The following PIK3C2A variants were observed in gnomAD, a reference collection of about 807,000 sequenced individuals.
PIK3C2A encodes phosphatidylinositol-4-phosphate 3-kinase catalytic subunit type 2 alpha.
A neutral mutation model predicts 204.5 loss-of-function variants in PIK3C2A; 97 were observed. The ratio of observed to expected loss-of-function variants is 0.47; its 90% CI spans 0.40 to 0.56. The LOEUF (loss-of-function observed/expected upper bound fraction) is 0.56, where lower values mean the gene tolerates loss of function less well. Ranked by LOEUF, PIK3C2A falls within the 20% of genes least tolerant of loss-of-function variation. The pLI, the probability that PIK3C2A is intolerant of heterozygous loss-of-function variation, is 0.00. For missense variants in PIK3C2A, 1,735 were observed against 1,969.2 expected (o/e 0.88, Z 2.25); for synonymous variants, 653 against 664.4 (o/e 0.98, Z 0.26).
chr11:17,094,965 T>C (rs1012605866), intron 27 of PIK3C2A, among the ~76,000 whole-genome samples: 1 of 152,098 alleles, frequency 6.6e-6, no homozygotes, highest in African/African-American at 2.4e-5. Context: ...CTTAAAAGTG[T>C]AAGCTGGGCA....
Position 17,168,845 on chromosome 11 carries a change from T to C in PIK3C2A, c.897A>G (p.Leu299=). 6.2e-7 allele frequency: 1 copy of C among 1,614,154 alleles called. No individual in the cohort carries two copies. The highest frequency in any genetic ancestry group is 8.5e-7 in the Non-Finnish European group (1 of 1,180,022). Residue 299 remains leucine (L), a synonymous_variant, in exon 2 of 33, where the codon CTA becomes CTG. Transcript: ENST00000691414. The part of the protein sequence containing the change: ...HEEEKNVSSL[L]AKDPWDAVLL... ...GAACAGCATCCCAAGGATCCTTTGC[T>C]AGCAAACTTGAAACATTTTTCTCTT...
chr11:17,148,906 C>T (rs557959119), intron 4 of PIK3C2A, 119 bp from the exon 5 acceptor site: 163 of 663,248 alleles, frequency 2.5e-4, no homozygotes, highest in African/African-American at 1.8e-3. Context: ...CAAATGTAGG[C>T]CACATATATA....
At chr11:17,176,028 G>C (rs889065679) in intron 1 of PIK3C2A, among the ~76,000 whole-genome samples, 3 of 149,740 alleles carry the variant, frequency 2.0e-5, no homozygotes, top group African/African-American at 7.4e-5. Context: ...GTGGGGGACA[G>C]AGTCTCACTC....
chr11:17,122,072 T>C, intron 15 of PIK3C2A, 116 bp downstream of exon 15: 1 of 613,388 alleles, frequency 1.6e-6, no homozygotes. Context: ...TAGAAAACTT[T>C]CCACACCAAG....
intron 2 of PIK3C2A, among the ~76,000 whole-genome samples, chr11:17,166,604 T>C (rs1849009818): frequency 1.3e-5 from 2 of 152,234 alleles, no homozygotes; most frequent in Admixed American, 1.3e-4. Flanking sequence ...CTACAATGCA[T>C]TCATTGTGGG....
intron 14 of PIK3C2A, 116 bp downstream of exon 14, chr11:17,122,586 G>C (rs1160846004): frequency 3.0e-6 from 2 of 656,568 alleles, no homozygotes; most frequent in Non-Finnish European, 2.7e-6. Context: ...GATAGATCCT[G>C]AGACTAAAAC....
chr11:17,149,767 G>A (rs1000155162), intron 4 of PIK3C2A, among the ~76,000 whole-genome samples: 3 of 152,014 alleles, frequency 2.0e-5, no homozygotes, highest in African/African-American at 4.8e-5. Flanking sequence ...ACAACTAAAA[G>A]AATAATTGTT....
intron 1 of PIK3C2A, among the ~76,000 whole-genome samples, chr11:17,198,792 G>T (rs1404334817): frequency 7.3e-6 from 1 of 137,654 alleles, no homozygotes; most frequent in Non-Finnish European, 1.5e-5. Context: ...AACACAGCAA[G>T]ACCTCATAAA....
intron 13 of PIK3C2A, among the ~76,000 whole-genome samples, chr11:17,126,375 G>GCA: frequency 6.6e-6 from 1 of 152,024 alleles, no homozygotes; most frequent in Non-Finnish European, 1.5e-5. Flanking sequence ...GGGCAACAGT[G>GCA]AGACTCCATC....
In PIK3C2A at chr11:17,122,683, T is replaced by C. The variant is rs577726242; in HGVS notation, c.2511+19A>G. The C allele has an allele frequency of 1.9e-6, 2 of 1,029,148 alleles. No individual in the cohort carries two copies. Among genetic ancestry groups the C allele is most frequent in the Non-Finnish European group, 3.1e-6 (2 of 655,498 alleles). 63.8% of individuals were successfully genotyped at this position (1,029,148 alleles called of 1,614,324 possible). ...AAATTTAAATGTACACCTCTCTACA[T>C]GTCAAGAAGTACCATTACCTGTAGC... On this transcript the variant is annotated intron_variant, in intron 14 of 32. Coordinates refer to ENST00000691414, the MANE Select transcript of PIK3C2A (RefSeq NM_002645.4).
At chr11:17,129,748 C>T (rs1225487220) in intron 12 of PIK3C2A, among the ~76,000 whole-genome samples, 2 of 152,144 alleles carry the variant, frequency 1.3e-5, no homozygotes, top group African/African-American at 2.4e-5. Context: ...CCCACCACCA[C>T]GCCCAGCTAA....
At chr11:17,198,987 C>G (rs977891521) in intron 1 of PIK3C2A, among the ~76,000 whole-genome samples, 3 of 151,984 alleles carry the variant, frequency 2.0e-5, no homozygotes, top group Admixed American at 1.3e-4. Context: ...CGCGTGCTGA[C>G]AGGCACCTGT....
intron 2 of PIK3C2A, among the ~76,000 whole-genome samples, chr11:17,164,049 T>C (rs1053238278): frequency 6.6e-6 from 1 of 152,166 alleles, no homozygotes; most frequent in Admixed American, 6.5e-5. Flanking sequence ...CCAATTAATA[T>C]TCTCTTCTTC....
intron 1 of PIK3C2A, among the ~76,000 whole-genome samples, chr11:17,201,251 T>C (rs1326807397): frequency 6.8e-6 from 1 of 147,074 alleles, no homozygotes. Context: ...TCCCTAGGCC[T>C]GGTGTGGTGG....
At chr11:17,116,373 T>C (rs1849191192) in intron 19 of PIK3C2A, among the ~76,000 whole-genome samples, 1 of 151,942 alleles carries the variant, frequency 6.6e-6, no homozygotes. Context: ...ATGGCCATAA[T>C]CAAAAAACAG....
At chr11:17,171,067 C>A (rs1305385563) in intron 1 of PIK3C2A, among the ~76,000 whole-genome samples, 2 of 152,114 alleles carry the variant, frequency 1.3e-5, no homozygotes, top group Non-Finnish European at 2.9e-5. Context: ...CACGTCACTG[C>A]ATTCCAGCCT....
intron 22 of PIK3C2A, among the ~76,000 whole-genome samples, chr11:17,106,447 G>A (rs970866406): frequency 2.6e-5 from 4 of 152,026 alleles, no homozygotes; most frequent in Non-Finnish European, 4.4e-5. Flanking sequence ...AAGTCTGGCC[G>A]CCAATCAAAA....
At chr11:17,148,559 T>C in intron 5 of PIK3C2A, 108 bp downstream of exon 5, 2 of 868,572 alleles carry the variant, frequency 2.3e-6, no homozygotes, top group Non-Finnish European at 1.8e-6. Flanking sequence ...ATCAATTCAA[T>C]AGGATCCAAT....
At chr11:17,117,727 T>TC in intron 18 of PIK3C2A, 56 bp from the exon 19 acceptor site, 1 of 1,161,678 alleles carries the variant, frequency 8.6e-7, no homozygotes, top group Non-Finnish European at 1.2e-6. Context: ...TTTTTTTTTT[T>TC]TTTTTGAGAC....
Sources: gnomAD v4.1 joint callset for allele counts (sites outside exome capture counted in the v4.1 genomes callset) on GRCh38, gnomAD v4.1.1 for gene constraint, MANE v1.5 for transcripts, NCBI Gene and HGNC (gene_info 2026-07-23, HGNC 2026-07-21) for gene names.